Variants in ATP11A observed in about 807,000 individuals in gnomAD.
The protein encoded by ATP11A is ATPase phospholipid transporting 11A.
A neutral mutation model predicts 154.4 loss-of-function variants in ATP11A; 81 were observed. The ratio of observed to expected loss-of-function variants is 0.52; its 90% CI spans 0.44 to 0.63. The LOEUF is 0.63. Among genes scored for constraint, ATP11A ranks in the 30% least tolerant of loss-of-function variants. The pLI is 0.00. For missense variants in ATP11A, 1,316 were observed against 1,474.3 expected (o/e 0.89, Z 1.76); for synonymous variants, 623 against 585.9 (o/e 1.06, Z -0.91).
chr13:112,847,080 A>G (rs59293321), intron 17 of ATP11A, among the ~76,000 whole-genome samples: 1 of 152,292 alleles, frequency 6.6e-6, no homozygotes, highest in Admixed American at 6.5e-5. Context: ...GGTCTGCCCC[A>G]TAACTCAGGG....
chr13:112,819,579 T>C (rs1206081653), intron 7 of ATP11A, among the ~76,000 whole-genome samples, 172 bp downstream of exon 7: 1 of 152,252 alleles, frequency 6.6e-6, no homozygotes, highest in African/African-American at 2.4e-5. Context: ...CTCATAGACT[T>C]GTACCACTCA....
chr13:112,873,635 G>T lies in ATP11A; in HGVS notation c.3120G>T (p.Leu1040=). ...INHFVIWGSL[L]FYVVFSLLWG... ...ATTTTGTCATCTGGGGGTCGCTGCT[G>T]TTCTACGTTGTCTTTTCGCTTCTCT... The change falls in exon 27 of 30, where the codon CTG becomes CTT. Residue 1040 remains leucine, a synonymous_variant. Transcript: ENST00000375645. 6.2e-7 allele frequency: 1 copy of T among 1,613,706 alleles called. No homozygotes were observed. The highest frequency in any genetic ancestry group is 1.1e-5 in the South Asian group (1 of 91,044).
intron 15 of ATP11A, 69 bp downstream of exon 15, chr13:112,834,729 C>G: frequency 7.6e-7 from 1 of 1,310,010 alleles, no homozygotes; most frequent in Non-Finnish European, 1.1e-6. Flanking sequence ...TAAGGTTCTG[C>G]GTTTGAGGGA....
intron 2 of ATP11A, among the ~76,000 whole-genome samples, chr13:112,803,604 C>CAGA (rs2078196249): frequency 6.6e-6 from 1 of 152,136 alleles, no homozygotes; most frequent in African/African-American, 2.4e-5. Flanking sequence ...GTTTTCAACA[C>CAGA]AGAAGTTGAA....
intron 1 of ATP11A, among the ~76,000 whole-genome samples, chr13:112,736,051 G>GC (rs1252623207): frequency 1.3e-5 from 2 of 152,146 alleles, no homozygotes; most frequent in Admixed American, 6.5e-5. Flanking sequence ...GTGTTCGCGT[G>GC]CCCAGAGCAG....
intron 19 of ATP11A, 47 bp from the exon 20 acceptor site, chr13:112,855,864 A>G (rs1438475038): frequency 7.2e-6 from 11 of 1,524,228 alleles, no homozygotes; most frequent in East Asian, 2.3e-5. Flanking sequence ...TCTAAAATCT[A>G]TAGATTTAGT....
intron 28 of ATP11A, 77 bp from the exon 29 acceptor site, chr13:112,878,140 C>T (rs1469334074): frequency 1.5e-6 from 2 of 1,356,312 alleles, no homozygotes; most frequent in Non-Finnish European, 2.1e-6. Context: ...TTCCTTCCGT[C>T]TTCCGACCGC....
At chr13:112,784,593 G>A (rs1001519556) in intron 1 of ATP11A, among the ~76,000 whole-genome samples, 10 of 150,008 alleles carry the variant, frequency 6.7e-5, no homozygotes, top group African/African-American at 2.0e-4. Flanking sequence ...GTGCTATCTC[G>A]GTCACTGCAA....
rs188696762 is a variant in ATP11A at position 112,781,362 on chromosome 13, C to G, written c.40-3773C>G. On this transcript the variant is annotated intron_variant, in intron 1 of 29. Coordinates refer to ENST00000375645, the MANE Select transcript of ATP11A (RefSeq NM_015205.3). ...GCAGGGACCCCGTTTTGTCTATGTC[C>G]CCGTTTATGCACAGTATGTCTGGCC... Among the ~76,000 whole-genome samples the G allele has an allele frequency of 4.5e-3, 686 of 152,178 alleles. 7 individuals are homozygous for G. The highest frequency in any genetic ancestry group is 0.015 in the African/African-American group (643 of 41,518).
intron 12 of ATP11A, among the ~76,000 whole-genome samples, chr13:112,828,114 G>T (rs2078981928): frequency 1.4e-5 from 2 of 144,080 alleles, no homozygotes; most frequent in Admixed American, 7.0e-5. Context: ...GCGTTGAGTG[G>T]GGGGAAGCGC....
chr13:112,852,536 G>A (rs1472871082), intron 18 of ATP11A, among the ~76,000 whole-genome samples: 2 of 152,222 alleles, frequency 1.3e-5, no homozygotes, highest in South Asian at 2.1e-4. Flanking sequence ...GCCGCCGAAA[G>A]GCTTTGCTGC....
chr13:112,704,030 C>T (rs1044497832), intron 1 of ATP11A, among the ~76,000 whole-genome samples: 4 of 152,116 alleles, frequency 2.6e-5, no homozygotes, highest in African/African-American at 7.2e-5. Context: ...AAAATTGGAC[C>T]GTGCTAGTTG....
rs2317287 is a variant in ATP11A at position 112,768,969 on chromosome 13, G to A, written c.40-16166G>A. 8.0e-3 allele frequency among the ~76,000 whole-genome samples: 1,212 copies of A among 152,292 alleles called. 11 individuals carry two copies. Among genetic ancestry groups the A allele is most frequent in the African/African-American group, 0.026 (1,100 of 41,546 alleles). ...AGTTCACTTGCGGGCAGTGGAGGCT[G>A]CACTGTGACGTTAGTAACTGTGAAG... On this transcript the variant is annotated intron_variant, in intron 1 of 29. Coordinates refer to ENST00000375645, the MANE Select transcript of ATP11A (RefSeq NM_015205.3).
intron 14 of ATP11A, 71 bp downstream of exon 14, chr13:112,833,094 A>C (rs1002864794): frequency 3.1e-5 from 48 of 1,551,988 alleles, no homozygotes; most frequent in Non-Finnish European, 3.7e-5. Flanking sequence ...CCAGTCAGGG[A>C]TTTGCACCTA....
rs559622829 is a variant in ATP11A, at chr13:112,885,592, G to C, written c.*3726G>C. The C allele has an allele frequency of 1.7e-4, 3 of 17,212 alleles. No individual in the cohort carries two copies. The highest frequency in any genetic ancestry group is 7.7e-4 in the African/African-American group (3 of 3,896). The allele number at this position is 17,212 out of a possible 1,614,324, so 1.1% of individuals were successfully genotyped here. On this transcript the variant is annotated 3_prime_UTR_variant, in exon 30 of 30. Transcript: ENST00000375645. ...ACATGTAAACACACGTCTCCCACAC[G>C]TGAGCTCCCACACGTACACATGCAC...
intron 2 of ATP11A, among the ~76,000 whole-genome samples, chr13:112,793,790 C>T (rs1433429858): frequency 6.6e-6 from 1 of 152,242 alleles, no homozygotes; most frequent in Non-Finnish European, 1.5e-5. Flanking sequence ...GCCTGGGCTG[C>T]TGGCAGGGGA....
Position 112,789,193 on chromosome 13 carries a change from T to C in ATP11A, c.162+3936T>C, listed in dbSNP as rs955057515. 6.0e-5 allele frequency among the ~76,000 whole-genome samples: 9 copies of C among 150,572 alleles called. 1 individual carries two copies. The South Asian group carries it at 1.5e-3, about 25-fold the overall frequency. ...AGACTCCTGTGGAGACCTACTTAAT[T>C]CACACCAGGTGTCCTGATGTGTAGA... On this transcript the variant is annotated intron_variant, in intron 2 of 29. Transcript: ENST00000375645.
At chr13:112,813,768 C>T (rs958139486) in intron 5 of ATP11A, among the ~76,000 whole-genome samples, 5 of 151,978 alleles carry the variant, frequency 3.3e-5, no homozygotes, top group African/African-American at 1.2e-4. Flanking sequence ...TACTGCTGTT[C>T]CTGATGTCTC....
At chr13:112,868,348 A>C (rs550552698) in intron 25 of ATP11A, among the ~76,000 whole-genome samples, 2 of 152,354 alleles carry the variant, frequency 1.3e-5, no homozygotes, top group Non-Finnish European at 2.9e-5. Flanking sequence ...TATACATCAG[A>C]GTTAAATGGG....
Sources: allele counts gnomAD v4.1 joint callset (sites outside exome capture counted in the v4.1 genomes callset), GRCh38; gene constraint gnomAD v4.1.1; transcripts MANE v1.5; gene names NCBI Gene and HGNC (gene_info 2026-07-23, HGNC 2026-07-21).